UBA3: variants seen among roughly 807,000 people sequenced by gnomAD.
UBA3 encodes the protein ubiquitin like modifier activating enzyme 3, also known as NEDD8-activating enzyme E1 catalytic subunit.
UBA3 carries 26 observed loss-of-function variants against 73.5 expected under a neutral mutation model. The ratio of observed to expected loss-of-function variants is 0.35; its 90% CI spans 0.26 to 0.49. The LOEUF is 0.49. UBA3 is among the 20% of genes least tolerant of loss of function. UBA3 has a pLI of 0.98. For synonymous variants in UBA3, 217 were observed against 191.2 expected, an observed-to-expected ratio of 1.13 and a Z score of -1.11; for missense variants, 495 against 555.6, an observed-to-expected ratio of 0.89 and a Z score of 1.10.
At chr3:69,066,446 T>G (rs2092072441) in intron 6 of UBA3, among the ~76,000 whole-genome samples, 1 of 151,446 alleles carries the variant, frequency 6.6e-6, no homozygotes, top group Non-Finnish European at 1.5e-5. Context: ...TTTTTTGTGT[T>G]TTTTTTTGTT....
At chr3:69,071,996 A>G (rs1034042853) in intron 4 of UBA3, among the ~76,000 whole-genome samples, 4 of 152,230 alleles carry the variant, frequency 2.6e-5, no homozygotes, top group Non-Finnish European at 5.9e-5. Context: ...AAGCAATTCT[A>G]CAAGCTTTAT....
intron 5 of UBA3, chr3:69,071,072 T>G (rs918351411): frequency 1.9e-5 from 3 of 159,420 alleles, no homozygotes; most frequent in African/African-American, 7.2e-5. Context: ...TCCTCGACTT[T>G]CCATTTTCTT....
rs2091980195 is a variant in UBA3, at chr3:69,057,093, TAAGACA to T, written c.964+157_964+162del. Among the ~76,000 whole-genome samples, 5 of 152,314 alleles carry T rather than the reference TAAGACA, an allele frequency of 3.3e-5. 1 individual carries two copies. Among genetic ancestry groups the T allele is most frequent in the Admixed American group, 1.3e-4 (2 of 15,292 alleles). ...ACTGCAGGTAACTTAAGACATAATG[TAAGACA>T]AAAAATATGCAAAGTCTAATAACTG... On this transcript the variant is annotated intron_variant, in intron 12 of 17. Transcript: ENST00000361055.
chr3:69,067,009 T>C (rs2092077087), intron 6 of UBA3, among the ~76,000 whole-genome samples: 1 of 152,214 alleles, frequency 6.6e-6, no homozygotes, highest in South Asian at 2.1e-4. Context: ...AGTCTAGAAT[T>C]TGGATAGTGA....
At chr3:69,073,833 C>CA (rs553963887) in intron 4 of UBA3, among the ~76,000 whole-genome samples, 5 of 151,908 alleles carry the variant, frequency 3.3e-5, no homozygotes, top group Admixed American at 2.6e-4. Flanking sequence ...TTAGTAGAGA[C>CA]GGGGTTTCAC....
chr3:69,077,350 C>T (rs1179710008), intron 3 of UBA3: 1 of 152,832 alleles, frequency 6.5e-6, no homozygotes, highest in Non-Finnish European at 1.5e-5. Flanking sequence ...AAGATAGACA[C>T]TATCAGTCCA....
At chr3:69,078,670 G>T (rs1423572664) in intron 2 of UBA3, among the ~76,000 whole-genome samples, 1 of 151,926 alleles carries the variant, frequency 6.6e-6, no homozygotes, top group Non-Finnish European at 1.5e-5. Flanking sequence ...GACGGGTTTC[G>T]CCATGTTGCA....
intron 11 of UBA3, among the ~76,000 whole-genome samples, chr3:69,057,838 A>T (rs2091986851): frequency 6.6e-6 from 1 of 152,132 alleles, no homozygotes; most frequent in Non-Finnish European, 1.5e-5. Flanking sequence ...CAAAAAAAAG[A>T]AAAGCTGCCC....
At position 69,080,325 on chromosome 3, in the gene UBA3, G is replaced by T; in HGVS notation, c.20+9C>A. On this transcript the variant is annotated intron_variant, in intron 1 of 17. Coordinates refer to ENST00000361055, the MANE Select transcript of UBA3 (RefSeq NM_003968.4). ...CAGCCCGGCGCGTCTGCAGAGCCCCGGTACTTACGGCTCCTCGCCATCCGC... is the reference window on the plus strand; with the variant it reads ...CAGCCCGGCGCGTCTGCAGAGCCCCTGTACTTACGGCTCCTCGCCATCCGC... 1 of 1,603,856 alleles carries T rather than the reference G, an allele frequency of 6.2e-7. No homozygotes were observed. Among genetic ancestry groups the T allele is most frequent in the Non-Finnish European group, 8.5e-7 (1 of 1,177,162 alleles).
At chr3:69,062,054 G>C (rs937839715) in intron 10 of UBA3, 23 bp downstream of exon 10, 17 of 1,508,376 alleles carry the variant, frequency 1.1e-5, no homozygotes, top group Non-Finnish European at 1.5e-5. Context: ...TGTAATTCTA[G>C]ATTATTAAAT....
chr3:69,073,085 C>T (rs1016294554), intron 4 of UBA3, among the ~76,000 whole-genome samples: 4 of 152,178 alleles, frequency 2.6e-5, no homozygotes, highest in Non-Finnish European at 5.9e-5. Context: ...TTCCCTTAGT[C>T]TATTCTCAAT....
rs762241537 is a variant in UBA3 at position 69,058,000 on chromosome 3, G to A, written c.911-691C>T. On this transcript the variant is annotated intron_variant, in intron 11 of 17. Coordinates refer to ENST00000361055, the MANE Select transcript of UBA3 (RefSeq NM_003968.4). ...GAGTGCAGTGTCGTGATCTGATCTC[G>A]GCTCACTGCAAGCTCCGCCTTCTGG... Among the ~76,000 whole-genome samples the A allele has an allele frequency of 3.0e-5, 4 of 134,998 alleles. No homozygotes were observed. The South Asian group carries it at 6.7e-4, about 23-fold the overall frequency. 88.6% of individuals were successfully genotyped at this position (134,998 alleles called of 152,430 possible).
intron 5 of UBA3, among the ~76,000 whole-genome samples, chr3:69,068,458 T>G (rs2092091926): frequency 7.0e-6 from 1 of 141,904 alleles, no homozygotes; most frequent in African/African-American, 2.7e-5. Context: ...GTGTGCTGAT[T>G]AAGCAGCAAA....
rs1342165947 is a variant in UBA3 at position 69,055,898 on chromosome 3, G to A, written c.1256C>T (p.Thr419Ile). The A allele has an allele frequency of 2.5e-6, 4 of 1,612,082 alleles. No individual in the cohort carries two copies. Among genetic ancestry groups the A allele is most frequent in the Non-Finnish European group, 3.4e-6 (4 of 1,179,260 alleles). Residue 419 changes from threonine to isoleucine, a missense_variant, in exon 17 of 18, where the codon ACC (threonine) becomes ATC (isoleucine). Transcript: ENST00000361055. ...KNRTLYLQSV[T>I]SIEERTRPNL... ...TGGCCTTGTTCGTTCTTCAATAGAGGTTACCGACTAGAAAACAAAATTACT... is the reference window on the plus strand; with the variant it reads ...TGGCCTTGTTCGTTCTTCAATAGAGATTACCGACTAGAAAACAAAATTACT...
At chr3:69,076,746 T>TC (rs200844647) in intron 3 of UBA3, among the ~76,000 whole-genome samples, 4 of 151,250 alleles carry the variant, frequency 2.6e-5, no homozygotes, top group African/African-American at 9.7e-5. Context: ...AATTTTTTTT[T>TC]CTTTTCTTTT....
At chr3:69,075,023 G>A (rs1480371743) in intron 4 of UBA3, 1 of 153,014 alleles carries the variant, frequency 6.5e-6, no homozygotes. Context: ...ATATAAAATG[G>A]GGTAATGCCT....
chr3:69,056,546 T>G, intron 14 of UBA3, 66 bp downstream of exon 14: 1 of 1,392,806 alleles, frequency 7.2e-7, no homozygotes, highest in Non-Finnish European at 1.0e-6. Flanking sequence ...TTGTTCAAAT[T>G]TCTAACCAAT....
Position 69,063,115 on chromosome 3 carries a change from T to A in UBA3, c.560A>T (p.Asp187Val), listed in dbSNP as rs2092037248. 1 of 1,613,876 alleles carries A rather than the reference T, an allele frequency of 6.2e-7. No homozygotes were observed. Among genetic ancestry groups the A allele is most frequent in the African/African-American group, 1.3e-5 (1 of 74,906 alleles). ...AATGGAGCTTGGATCTAAGACACCATCTTCATAATTTAGAAGAGATATCTA... is the reference window on the plus strand; with the variant it reads ...AATGGAGCTTGGATCTAAGACACCAACTTCATAATTTAGAAGAGATATCTA... ...GMLISLLNYEDGVLDPSSIVP... is the reference protein window; with the variant it reads ...GMLISLLNYEVGVLDPSSIVP... Residue 187 changes from aspartate (D) to valine (V), a missense_variant, in exon 9 of 18, where the codon GAT becomes GTT. Asp to Val is a radical substitution (Grantham distance 152). Coordinates refer to ENST00000361055, the MANE Select transcript of UBA3 (RefSeq NM_003968.4).
chr3:69,062,101 A>C lies in UBA3; in HGVS notation c.772T>G (p.Trp258Gly). The C allele has an allele frequency of 1.9e-6, 3 of 1,612,568 alleles. No individual in the cohort carries two copies. Among genetic ancestry groups the C allele is most frequent in the Non-Finnish European group, 1.7e-6 (2 of 1,178,946 alleles). The change falls in exon 10 of 18, where the codon TGG (tryptophan) becomes GGG (glycine). Residue 258 changes from tryptophan to glycine, a missense_variant. Physicochemically the swap from Trp to Gly is radical, Grantham distance 184 (BLOSUM62 -2). Transcript: ENST00000361055. ...HCIEYVRMLQWPKEQPFGEGV... is the reference protein window; with the variant it reads ...HCIEYVRMLQGPKEQPFGEGV... ...CCTCCAAAAGGCTGCTCCTTAGGCC[A>C]CTGCAACATCCTTACATACTCAATA... is the stretch of plus-strand genomic sequence containing the variant.
Sources: gnomAD v4.1 joint callset for allele counts (sites outside exome capture counted in the v4.1 genomes callset) on GRCh38, gnomAD v4.1.1 for gene constraint, MANE v1.5 for transcripts, NCBI Gene and HGNC (gene_info 2026-07-23, HGNC 2026-07-21) for gene names.